The following KALRN variants were observed in gnomAD, a reference collection of about 807,000 sequenced individuals.
KALRN encodes the protein kalirin RhoGEF kinase.
Under a neutral mutation model 353.7 loss-of-function variants are expected in KALRN, and 70 were observed. The observed-to-expected ratio is 0.20, with a 90% CI of 0.16 to 0.24. KALRN has a LOEUF of 0.24. KALRN is among the 10% of genes least tolerant of loss of function. KALRN has a pLI of 1.00. For synonymous variants in KALRN, 1,391 were observed against 1,434.8 expected, an observed-to-expected ratio of 0.97 and a Z score of 0.69; for missense variants, 2,791 against 3,756.7, an observed-to-expected ratio of 0.74 and a Z score of 6.72.
Position 124,492,879 on chromosome 3 carries a change from A to G in KALRN, c.4829A>G (p.Lys1610Arg). 1 of 1,614,000 alleles carries G rather than the reference A, an allele frequency of 6.2e-7. No homozygotes were observed. The highest frequency in any genetic ancestry group is 8.5e-7 in the Non-Finnish European group (1 of 1,179,890). ...KTPAKQRNNS[K>R]RDGVEDIDSQ... ...CCAGCCAAACAGAGGAACAATAGTA[A>G]GAGGTAACCAGCACCTCTCCCTCCA... The change falls in exon 32 of 60, where the codon AAG becomes AGG. Residue 1610 changes from lysine to arginine, a missense_variant. Lys to Arg is a conservative substitution (Grantham distance 26, BLOSUM62 2). Transcript: ENST00000682506.
chr3:124,425,460 T>TC (rs1440974014), intron 15 of KALRN, among the ~76,000 whole-genome samples: 2 of 152,198 alleles, frequency 1.3e-5, no homozygotes, highest in African/African-American at 4.8e-5. Context: ...ACCTCAGCAG[T>TC]ACCATGTATG....
intron 2 of KALRN, among the ~76,000 whole-genome samples, chr3:124,228,265 C>T (rs1288941511): frequency 6.6e-6 from 1 of 152,100 alleles, no homozygotes; most frequent in Non-Finnish European, 1.5e-5. Flanking sequence ...TAAAGGACAC[C>T]CAGAACCAAA....
intron 14 of KALRN, among the ~76,000 whole-genome samples, 197 bp downstream of exon 14, chr3:124,413,862 T>C (rs1304904758): frequency 6.6e-6 from 1 of 152,062 alleles, no homozygotes; most frequent in Non-Finnish European, 1.5e-5. Context: ...TCCCAGCATT[T>C]TGGAAGGCTG....
chr3:124,324,869 T>TATA (rs1380017243), intron 6 of KALRN, among the ~76,000 whole-genome samples: 1 of 152,234 alleles, frequency 6.6e-6, no homozygotes, highest in Non-Finnish European at 1.5e-5. Context: ...GCAGAACATG[T>TATA]ATAATCATTT....
At chr3:124,570,294 G>A (rs2073367471) in intron 34 of KALRN, among the ~76,000 whole-genome samples, 1 of 152,182 alleles carries the variant, frequency 6.6e-6, no homozygotes, top group African/African-American at 2.4e-5. Context: ...GCAGCTTGCT[G>A]ATTTACTTTA....
chr3:124,434,601 C>T lies in KALRN; in HGVS notation c.3048+76C>T, dbSNP rs191764603. 443 of 1,337,532 alleles carry T rather than the reference C, an allele frequency of 3.3e-4. 5 individuals are homozygous for T. In the African/African-American group the frequency reaches 5.8e-3, roughly 17 times the overall value. The allele number at this position is 1,337,532 out of a possible 1,614,324, so 82.9% of individuals were successfully genotyped here. ...TTTTCTGCCTTGCAGTGTAAATGTGCAGTGCTTATGTCAGCGAGAAGCCTG... is the reference window on the plus strand; with the variant it reads ...TTTTCTGCCTTGCAGTGTAAATGTGTAGTGCTTATGTCAGCGAGAAGCCTG... On this transcript the variant is annotated intron_variant, in intron 17 of 59. Coordinates refer to ENST00000682506, the MANE Select transcript of KALRN (RefSeq NM_001388419.1).
rs71332734 is a variant in KALRN at position 124,482,977 on chromosome 3, G to A, written c.4284+77G>A. 9,667 of 976,718 alleles carry A rather than the reference G, an allele frequency of 9.9e-3. 87 individuals carry two copies. Among genetic ancestry groups the A allele is most frequent in the Middle Eastern group, 0.011 (49 of 4,522 alleles). 60.5% of individuals were successfully genotyped at this position (976,718 alleles called of 1,614,324 possible). A position where few individuals can be genotyped will look rare whatever the true frequency, so the allele number is the denominator to read the frequency against. Reference sequence around the variant, plus strand: ...GGGAGTCCCAGCTTTGGCCCCTAAGGATAGGAATGCTTCCACCTGAAGACC... The same window carrying A: ...GGGAGTCCCAGCTTTGGCCCCTAAGAATAGGAATGCTTCCACCTGAAGACC... On this transcript the variant is annotated intron_variant, in intron 28 of 59. Coordinates refer to ENST00000682506, the MANE Select transcript of KALRN (RefSeq NM_001388419.1).
chr3:124,111,037 C>G (rs1248313304), intron 1 of KALRN, among the ~76,000 whole-genome samples: 1 of 152,160 alleles, frequency 6.6e-6, no homozygotes, highest in African/African-American at 2.4e-5. Flanking sequence ...TTAAACTTCT[C>G]CTAGGTTTTG....
At chr3:124,472,021 A>G (rs978592634) in intron 25 of KALRN, among the ~76,000 whole-genome samples, 3 of 152,042 alleles carry the variant, frequency 2.0e-5, no homozygotes, top group Non-Finnish European at 4.4e-5. Flanking sequence ...CCTCATGAAA[A>G]TTATATGCTG....
At chr3:124,681,861 C>A (rs893776569) in intron 51 of KALRN, among the ~76,000 whole-genome samples, 4 of 152,036 alleles carry the variant, frequency 2.6e-5, no homozygotes, top group Non-Finnish European at 2.9e-5. Flanking sequence ...AACTCCTGAC[C>A]TCAAGTGATC....
At chr3:124,384,117 G>A (rs1036448239) in intron 10 of KALRN, among the ~76,000 whole-genome samples, 8 of 152,102 alleles carry the variant, frequency 5.3e-5, no homozygotes, top group African/African-American at 1.4e-4. Context: ...ATTACAAGTC[G>A]GTTGCCTTTT....
chr3:124,663,101 A>T (rs182833129), intron 45 of KALRN, among the ~76,000 whole-genome samples: 102 of 151,974 alleles, frequency 6.7e-4, no homozygotes, highest in African/African-American at 2.2e-3. Context: ...ATGTGCCACC[A>T]CACCTGGCTA....
chr3:124,452,717 TA>T (rs2058914271), intron 21 of KALRN, among the ~76,000 whole-genome samples: 1 of 152,190 alleles, frequency 6.6e-6, no homozygotes, highest in Non-Finnish European at 1.5e-5. Context: ...ACCTACTTCC[TA>T]AGGATGCATC....
chr3:124,497,825 T>C (rs1299636820), intron 33 of KALRN, among the ~76,000 whole-genome samples: 1 of 152,220 alleles, frequency 6.6e-6, no homozygotes, highest in East Asian at 1.9e-4. Flanking sequence ...ATTAGTGTCA[T>C]GGTCCAGGGA....
intron 1 of KALRN, among the ~76,000 whole-genome samples, chr3:124,160,176 C>T (rs1397324055): frequency 1.3e-5 from 2 of 150,166 alleles, no homozygotes; most frequent in East Asian, 2.0e-4. Context: ...AATCCAATGA[C>T]GGGTGTTCTT....
intron 3 of KALRN, among the ~76,000 whole-genome samples, chr3:124,243,775 A>G (rs913976403): frequency 6.6e-6 from 1 of 152,228 alleles, no homozygotes; most frequent in Non-Finnish European, 1.5e-5. Context: ...ATAGGCATAA[A>G]GATATTACCA....
intron 1 of KALRN, among the ~76,000 whole-genome samples, chr3:124,100,151 G>A (rs957907042): frequency 3.3e-5 from 5 of 152,046 alleles, no homozygotes; most frequent in Admixed American, 2.0e-4. Context: ...GCGATATAAC[G>A]AGACTCAGTC....
chr3:124,719,946 G>C lies in KALRN; in HGVS notation c.*476G>C, dbSNP rs1355289331. 1 of 157,640 alleles carries C rather than the reference G, an allele frequency of 6.3e-6. No individual in the cohort carries two copies. Among genetic ancestry groups the C allele is most frequent in the Non-Finnish European group, 1.4e-5 (1 of 71,088 alleles). The allele number at this position is 157,640 out of a possible 1,614,324, so 9.8% of individuals were successfully genotyped here. On this transcript the variant is annotated 3_prime_UTR_variant, in exon 60 of 60. Coordinates refer to ENST00000682506, the MANE Select transcript of KALRN (RefSeq NM_001388419.1). The surrounding 1 kb of genome is among the most constrained non-coding windows in gnomAD (Gnocchi z 5.3). ...TTAATAGGATAGATACCCACATACA[G>C]TATAATATATCCCATTCAGGTTTCA... is the stretch of plus-strand genomic sequence containing the variant.
intron 13 of KALRN, among the ~76,000 whole-genome samples, chr3:124,410,537 T>C (rs549071435): frequency 6.6e-6 from 1 of 152,308 alleles, no homozygotes; most frequent in African/African-American, 2.4e-5. Flanking sequence ...GCAGAAGACT[T>C]GAAAAGACAT....
Sources: gnomAD v4.1 joint callset for allele counts (sites outside exome capture counted in the v4.1 genomes callset) on GRCh38, gnomAD v4.1.1 for gene constraint, Gnocchi (gnomAD v3.1) non-coding constraint, MANE v1.5 for transcripts, NCBI Gene and HGNC (gene_info 2026-07-23, HGNC 2026-07-21) for gene names.